Variants in VPS8 observed in about 807,000 individuals in gnomAD.
VPS8 encodes VPS8 subunit of CORVET complex.
VPS8 carries 129 observed loss-of-function variants against 216.4 expected under a neutral mutation model. That is an observed-to-expected ratio of 0.60 (90% CI 0.52 to 0.69). VPS8 has a LOEUF of 0.69. Among genes scored for constraint, VPS8 ranks in the 30% least tolerant of loss-of-function variants. The pLI, the probability that VPS8 is intolerant of heterozygous loss-of-function variation, is 0.00. For missense variants in VPS8, 1,531 were observed against 1,683.5 expected, an observed-to-expected ratio of 0.91 and a Z score of 1.59; for synonymous variants, 571 against 565.4, an observed-to-expected ratio of 1.01 and a Z score of -0.14.
intron 21 of VPS8, 129 bp from the exon 22 acceptor site, chr3:184,885,981 C>T: frequency 1.0e-6 from 1 of 1,001,952 alleles, no homozygotes; most frequent in East Asian, 2.7e-5. Flanking sequence ...TGCCAAATTG[C>T]TTACCAAAAG....
chr3:184,984,183 C>CAAAAAAAA (rs1453935100), intron 42 of VPS8, among the ~76,000 whole-genome samples: 37 of 2,886 alleles, frequency 0.013, 18 homozygotes, highest in East Asian at 0.021. Context: ...GACTCCGTCT[C>CAAAAAAAA]AAAAAAAAAA....
chr3:184,936,395 G>T (rs956577143), intron 35 of VPS8, 60 bp downstream of exon 35: 23 of 1,410,402 alleles, frequency 1.6e-5, no homozygotes, highest in Non-Finnish European at 2.2e-5. Context: ...TTATTAAATC[G>T]TCACCTAAGA....
intron 40 of VPS8, among the ~76,000 whole-genome samples, chr3:184,974,561 A>G (rs1239230117): frequency 6.6e-6 from 1 of 152,078 alleles, no homozygotes; most frequent in African/African-American, 2.4e-5. Context: ...ATAGTTTAAC[A>G]TAATGCTACT....
intron 21 of VPS8, among the ~76,000 whole-genome samples, chr3:184,875,178 G>A (rs1665626773): frequency 1.4e-5 from 2 of 146,682 alleles, no homozygotes; most frequent in Admixed American, 1.4e-4. Context: ...TATTAAGACT[G>A]ATCTCTGTCA....
At chr3:184,831,934 C>T (rs1489927887) in intron 3 of VPS8, among the ~76,000 whole-genome samples, 2 of 152,260 alleles carry the variant, frequency 1.3e-5, no homozygotes, top group African/African-American at 2.4e-5. Flanking sequence ...TGTCTTTCCA[C>T]TTCTTAAAAA....
intron 21 of VPS8, among the ~76,000 whole-genome samples, chr3:184,876,902 C>A (rs1048167462): frequency 6.6e-6 from 1 of 152,170 alleles, no homozygotes; most frequent in Non-Finnish European, 1.5e-5. Flanking sequence ...AAATGTATAT[C>A]AAATCTAGAT....
chr3:184,843,181 T>C (rs16859344), intron 7 of VPS8, 59 bp from the exon 8 acceptor site: 296,177 of 1,320,596 alleles, frequency 0.22, 38,678 homozygotes, highest in East Asian at 0.6. Context: ...CTTCGAACTT[T>C]TGAACTGATT....
At chr3:184,925,082 A>AGT (rs1739339198) in intron 30 of VPS8, 101 bp downstream of exon 30, 1 of 1,449,472 alleles carries the variant, frequency 6.9e-7, no homozygotes, top group Admixed American at 2.4e-5. Flanking sequence ...TTGGGTAAAT[A>AGT]CCTTATCAAG....
rs550111382 is a variant in VPS8, at chr3:184,825,779, C to T, written c.154-384C>T. ...ATTAGCTGCTTGTGGTGGCACGTGCCTGTACTCCTAGCTCCTTGGGGGACT... is the reference window on the plus strand; with the variant it reads ...ATTAGCTGCTTGTGGTGGCACGTGCTTGTACTCCTAGCTCCTTGGGGGACT... On this transcript the variant is annotated intron_variant, in intron 2 of 47. Transcript: ENST00000625842. Among the ~76,000 whole-genome samples, 3 of 152,096 alleles carry T rather than the reference C, an allele frequency of 2.0e-5. No homozygotes were observed. In the East Asian group the frequency reaches 5.8e-4, roughly 29 times the overall value.
intron 7 of VPS8, among the ~76,000 whole-genome samples, chr3:184,842,835 A>T (rs992630378): frequency 6.6e-6 from 1 of 152,166 alleles, no homozygotes; most frequent in Non-Finnish European, 1.5e-5. Context: ...TATAGTGTTT[A>T]AAAAAATATA....
intron 39 of VPS8, among the ~76,000 whole-genome samples, chr3:184,968,534 C>T (rs548276165): frequency 5.3e-5 from 8 of 152,246 alleles, no homozygotes; most frequent in African/African-American, 1.2e-4. Context: ...ACATCCTTTC[C>T]GACATTTATA....
chr3:185,010,301 T>A (rs77147433), intron 45 of VPS8, among the ~76,000 whole-genome samples: 6,394 of 152,222 alleles, frequency 0.042, 236 homozygotes, highest in East Asian at 0.1. Context: ...ATTATAAAAA[T>A]ATCCAATACC....
chr3:185,008,725 T>G (rs745595933), intron 45 of VPS8, among the ~76,000 whole-genome samples: 1 of 152,168 alleles, frequency 6.6e-6, no homozygotes, highest in Non-Finnish European at 1.5e-5. Context: ...GACAAATGAC[T>G]TGTTCAAGGA....
At chr3:184,889,659 T>C (rs1435304508) in intron 22 of VPS8, among the ~76,000 whole-genome samples, 1 of 152,132 alleles carries the variant, frequency 6.6e-6, no homozygotes, top group African/African-American at 2.4e-5. Flanking sequence ...CTTTGGGTTC[T>C]ATTCTAATAG....
chr3:184,933,073 G>C (rs545988618), intron 34 of VPS8, among the ~76,000 whole-genome samples: 1 of 152,144 alleles, frequency 6.6e-6, no homozygotes, highest in African/African-American at 2.4e-5. Context: ...AGAAACTCTG[G>C]GGGTGAGGCC....
chr3:184,829,144 T>C (rs748942938), intron 3 of VPS8, among the ~76,000 whole-genome samples: 1 of 152,218 alleles, frequency 6.6e-6, no homozygotes, highest in Non-Finnish European at 1.5e-5. Flanking sequence ...AGAGTGCTGC[T>C]GTAAAGTTTC....
chr3:184,869,096 A>T, intron 19 of VPS8, 60 bp downstream of exon 19: 1 of 1,472,816 alleles, frequency 6.8e-7, no homozygotes, highest in Non-Finnish European at 9.3e-7. Context: ...GGGAATGGTT[A>T]GTACTAACCA....
chr3:184,841,865 A>G (rs1306678119), intron 7 of VPS8, among the ~76,000 whole-genome samples: 2 of 152,324 alleles, frequency 1.3e-5, no homozygotes, highest in Admixed American at 6.5e-5. Context: ...TGAATCCTGT[A>G]TAAGTGTATT....
chr3:184,818,138 TGTAAG>T (rs1015533957), intron 1 of VPS8, among the ~76,000 whole-genome samples: 15 of 152,130 alleles, frequency 9.9e-5, no homozygotes, highest in African/African-American at 2.4e-4. Flanking sequence ...TAAATTCAAT[TGTAAG>T]GGAAGGAGGC....
Sources: allele counts gnomAD v4.1 joint callset (sites outside exome capture counted in the v4.1 genomes callset), GRCh38; gene constraint gnomAD v4.1.1; transcripts MANE v1.5; gene names NCBI Gene and HGNC (gene_info 2026-07-23, HGNC 2026-07-21).